Variants in COG5 observed in about 807,000 individuals in gnomAD.
COG5 encodes conserved oligomeric Golgi complex subunit 5.
A neutral mutation model predicts 110.4 loss-of-function variants in COG5; 86 were observed. The observed-to-expected ratio is 0.78, with a 90% CI of 0.65 to 0.93. The LOEUF (loss-of-function observed/expected upper bound fraction) is 0.93, where lower values mean the gene tolerates loss of function less well. Ranked by LOEUF, COG5 falls within the 40% of genes least tolerant of loss-of-function variation. COG5 has a pLI of 0.00. For synonymous variants in COG5, 360 were observed against 334.6 expected, an observed-to-expected ratio of 1.08 and a Z score of -0.83; for missense variants, 1,077 against 987.0, an observed-to-expected ratio of 1.09 and a Z score of -1.22.
chr7:107,406,004 A>C (rs1791808202), intron 7 of COG5, among the ~76,000 whole-genome samples: 1 of 152,218 alleles, frequency 6.6e-6, no homozygotes, highest in African/African-American at 2.4e-5. Context: ...ATTTCTGTTT[A>C]TAAGCCACCC....
At chr7:107,353,307 C>G (rs1001019642) in intron 10 of COG5, among the ~76,000 whole-genome samples, 7 of 151,622 alleles carry the variant, frequency 4.6e-5, no homozygotes, top group Non-Finnish European at 1.0e-4. Context: ...CACCTGTAGT[C>G]CCAGCTACTT....
chr7:107,505,975 G>C (rs1046161949), intron 6 of COG5, among the ~76,000 whole-genome samples: 1 of 152,174 alleles, frequency 6.6e-6, no homozygotes, highest in African/African-American at 2.4e-5. Flanking sequence ...AGCTCTGATG[G>C]GGGTGGCAGG....
intron 6 of COG5, among the ~76,000 whole-genome samples, chr7:107,448,392 C>G (rs1432900440): frequency 6.6e-6 from 1 of 152,072 alleles, no homozygotes; most frequent in African/African-American, 2.4e-5. Context: ...TAAGGCTACT[C>G]TTCAACTCTC....
intron 6 of COG5, among the ~76,000 whole-genome samples, chr7:107,453,464 A>T (rs1424150987): frequency 6.6e-6 from 1 of 152,162 alleles, no homozygotes; most frequent in Non-Finnish European, 1.5e-5. Context: ...AGCAAAACCA[A>T]ATGTATTTTA....
At chr7:107,365,009 G>C (rs552592774) in intron 8 of COG5, among the ~76,000 whole-genome samples, 1 of 152,184 alleles carries the variant, frequency 6.6e-6, no homozygotes, top group South Asian at 2.1e-4. Flanking sequence ...ATAACAGTGA[G>C]AAAAGGGTAT....
At chr7:107,374,321 A>G (rs1286508307) in intron 7 of COG5, among the ~76,000 whole-genome samples, 1 of 152,152 alleles carries the variant, frequency 6.6e-6, no homozygotes, top group Non-Finnish European at 1.5e-5. Flanking sequence ...TCATTATTTA[A>G]GTGTATGTAT....
chr7:107,500,124 G>A (rs1051178504), intron 6 of COG5, among the ~76,000 whole-genome samples: 1 of 152,172 alleles, frequency 6.6e-6, no homozygotes, highest in Non-Finnish European at 1.5e-5. Flanking sequence ...AATCAGTAAT[G>A]TATGCTACAC....
chr7:107,270,299 A>G (rs968722373), intron 14 of COG5, among the ~76,000 whole-genome samples: 2 of 140,634 alleles, frequency 1.4e-5, no homozygotes, highest in African/African-American at 5.5e-5. Flanking sequence ...TCCTTCTATT[A>G]CTCCGGCTGG....
At chr7:107,208,510 G>A in intron 21 of COG5, 2 of 985,156 alleles carry the variant, frequency 2.0e-6, no homozygotes, top group Non-Finnish European at 2.4e-6. Context: ...TTTTTAAGAC[G>A]ACTGAGTGTG....
rs556967682 is a variant in COG5, at chr7:107,237,723, A to G, written c.1854-1036T>C. Among the ~76,000 whole-genome samples the G allele has an allele frequency of 1.1e-4, 16 of 152,336 alleles. 1 individual carries two copies. In the South Asian group the frequency reaches 2.9e-3, roughly 28 times the overall value. On this transcript the variant is annotated intron_variant, in intron 17 of 21. Transcript: ENST00000297135. ...TTCATACAGGTATAAGACTGTGCCA[A>G]CAACAGCAAGGCTGCTGAAGGGTGT...
Position 107,211,358 on chromosome 7 carries a change from A to C in COG5, c.2169-133T>G, listed in dbSNP as rs895200965. ...TGAAGGAGCCCTCCACTGCTTAACC[A>C]CTCTATTCAGCCTTGAGACGCCCAC... On this transcript the variant is annotated intron_variant, in intron 19 of 21. Coordinates refer to ENST00000297135, the MANE Select transcript of COG5 (RefSeq NM_006348.5). The C allele has an allele frequency of 6.1e-6, 6 of 978,802 alleles. No homozygotes were observed. In the African/African-American group the frequency reaches 6.4e-5, roughly 11 times the overall value. The allele number at this position is 978,802 out of a possible 1,614,324, so 60.6% of individuals were successfully genotyped here.
chr7:107,466,951 T>C (rs1796326387), intron 6 of COG5, among the ~76,000 whole-genome samples: 1 of 152,202 alleles, frequency 6.6e-6, no homozygotes, highest in African/African-American at 2.4e-5. Flanking sequence ...TCAGAGAATC[T>C]TCAAAACTGT....
chr7:107,328,714 T>C (rs1809984425), intron 10 of COG5, among the ~76,000 whole-genome samples: 1 of 152,200 alleles, frequency 6.6e-6, no homozygotes, highest in South Asian at 2.1e-4. Context: ...CTTTCCCCCA[T>C]AAAACTCTTA....
chr7:107,334,623 G>A (rs528252118), intron 10 of COG5, among the ~76,000 whole-genome samples: 2 of 152,080 alleles, frequency 1.3e-5, no homozygotes, highest in South Asian at 4.2e-4. Flanking sequence ...CCAGGAGAGA[G>A]TGGGATAACA....
At chr7:107,294,001 G>T (rs1370491272) in intron 12 of COG5, among the ~76,000 whole-genome samples, 1 of 152,088 alleles carries the variant, frequency 6.6e-6, no homozygotes, top group East Asian at 1.9e-4. Flanking sequence ...GAACCCAGGA[G>T]ACAAAAGTTG....
chr7:107,550,153 G>T (rs1584957484), intron 3 of COG5, among the ~76,000 whole-genome samples: 1 of 151,988 alleles, frequency 6.6e-6, no homozygotes, highest in South Asian at 2.1e-4. Flanking sequence ...CAATTTTTGA[G>T]ACTAAAATCC....
chr7:107,289,662 A>G (rs564915685), intron 12 of COG5, among the ~76,000 whole-genome samples: 2 of 152,094 alleles, frequency 1.3e-5, no homozygotes, highest in East Asian at 1.9e-4. Flanking sequence ...ACTTATTTAG[A>G]TATTTCTTTG....
At chr7:107,331,904 C>T (rs1033251989) in intron 10 of COG5, among the ~76,000 whole-genome samples, 8 of 149,240 alleles carry the variant, frequency 5.4e-5, no homozygotes, top group Admixed American at 2.7e-4. Context: ...TACAGTGGCA[C>T]GATCTCGGCT....
At chr7:107,413,806 A>G (rs796199379) in intron 6 of COG5, among the ~76,000 whole-genome samples, 13 of 152,364 alleles carry the variant, frequency 8.5e-5, no homozygotes, top group African/African-American at 3.1e-4. Context: ...ATTAAGCTAG[A>G]CGCAAAGTGT....
Sources: gnomAD v4.1 joint callset for allele counts (sites outside exome capture counted in the v4.1 genomes callset) on GRCh38, gnomAD v4.1.1 for gene constraint, MANE v1.5 for transcripts, NCBI Gene and HGNC (gene_info 2026-07-23, HGNC 2026-07-21) for gene names.